The following ULK4 variants were observed in gnomAD, a reference collection of about 807,000 sequenced individuals.
The protein encoded by ULK4 is unc-51 like kinase 4.
In ULK4, 133 loss-of-function variants were observed where a neutral mutation model predicts 160.6. The observed-to-expected ratio is 0.83, with a 90% CI of 0.72 to 0.96. ULK4 has a LOEUF of 0.96. Ranked by LOEUF, ULK4 falls within the 40% of genes least tolerant of loss-of-function variation. ULK4 has a pLI of 0.00. For synonymous variants in ULK4, 534 were observed against 539.8 expected (o/e 0.99, Z 0.15); for missense variants, 1,580 against 1,499.5 (o/e 1.05, Z -0.89).
chr3:41,602,580 C>T (rs993310751), intron 31 of ULK4, among the ~76,000 whole-genome samples: 6 of 152,096 alleles, frequency 3.9e-5, no homozygotes, highest in Non-Finnish European at 5.9e-5. Flanking sequence ...CACTGTACTA[C>T]CTCTGCAACC....
intron 17 of ULK4, among the ~76,000 whole-genome samples, chr3:41,852,013 G>A (rs145238921): frequency 0.18 from 27,740 of 151,852 alleles, 2,612 homozygotes; most frequent in Middle Eastern, 0.32. Flanking sequence ...AAGACTAATA[G>A]AGAAGAATCA....
intron 18 of ULK4, among the ~76,000 whole-genome samples, chr3:41,823,350 C>A (rs2041214752): frequency 6.6e-6 from 1 of 152,140 alleles, no homozygotes; most frequent in African/African-American, 2.4e-5. Flanking sequence ...TTAGGTCAGA[C>A]AGGTTCTGAA....
At position 41,375,417 on chromosome 3, in the gene ULK4, G is replaced by A. The variant is rs988969791; in HGVS notation, c.3678+22662C>T. 3.3e-5 allele frequency among the ~76,000 whole-genome samples: 5 copies of A among 150,014 alleles called. 1 individual carries two copies. Among genetic ancestry groups the A allele is most frequent in the African/African-American group, 7.5e-5 (3 of 40,116 alleles). ...ACAGAACCCAAAACGGCATGGTACT[G>A]GTACCATAACAGAGATATAGACCAA... On this transcript the variant is annotated intron_variant, in intron 35 of 36. Coordinates refer to ENST00000301831, the MANE Select transcript of ULK4 (RefSeq NM_017886.4).
intron 32 of ULK4, among the ~76,000 whole-genome samples, chr3:41,483,175 C>G (rs1214572479): frequency 6.6e-6 from 1 of 152,110 alleles, no homozygotes; most frequent in African/African-American, 2.4e-5. Flanking sequence ...ACTACCCTTC[C>G]CAGTCTCTGG....
rs1261935395 is a variant in ULK4, at chr3:41,901,529, G to A, written c.1183-700C>T. On this transcript the variant is annotated intron_variant, in intron 12 of 36. Transcript: ENST00000301831. ...AGAGTCTCACTCCATCACACAGGCT[G>A]GAATGCAGTGGCACAATCTCAGCTC... 1.8e-4 allele frequency among the ~76,000 whole-genome samples: 21 copies of A among 117,676 alleles called. 1 individual carries two copies. In the Admixed American group the frequency reaches 2.4e-3, roughly 13 times the overall value. 77.2% of individuals were successfully genotyped at this position (117,676 alleles called of 152,430 possible).
intron 22 of ULK4, among the ~76,000 whole-genome samples, chr3:41,718,081 T>C (rs536273522): frequency 2.0e-5 from 3 of 152,332 alleles, no homozygotes; most frequent in Non-Finnish European, 4.4e-5. Context: ...GCTAATATCC[T>C]GATTCCATTT....
chr3:41,457,712 G>A (rs747578623), intron 33 of ULK4, among the ~76,000 whole-genome samples: 3 of 152,122 alleles, frequency 2.0e-5, no homozygotes, highest in Non-Finnish European at 4.4e-5. Flanking sequence ...CACCCTTTGT[G>A]TGCATCTTGT....
chr3:41,882,393 T>C (rs763217366), intron 17 of ULK4: 4 of 652,024 alleles, frequency 6.1e-6, no homozygotes, highest in Non-Finnish European at 1.1e-5. Flanking sequence ...TAGTATTCTT[T>C]TCTATAAGTT....
chr3:41,477,024 A>G (rs1032758196), intron 32 of ULK4, among the ~76,000 whole-genome samples: 11 of 152,206 alleles, frequency 7.2e-5, no homozygotes, highest in African/African-American at 2.7e-4. Context: ...CATCTGGGAT[A>G]GTGTGCTAGT....
chr3:41,616,767 G>A (rs1332890129), intron 30 of ULK4, among the ~76,000 whole-genome samples: 1 of 152,122 alleles, frequency 6.6e-6, no homozygotes, highest in African/African-American at 2.4e-5. Flanking sequence ...GCAGCACCTG[G>A]AACCCCATCT....
chr3:41,668,514 C>T (rs906988275), intron 29 of ULK4, among the ~76,000 whole-genome samples: 3 of 152,140 alleles, frequency 2.0e-5, no homozygotes, highest in Admixed American at 6.5e-5. Flanking sequence ...CTGGGAGCAA[C>T]AGGCTATACC....
At chr3:41,530,254 C>G (rs1303630148) in intron 32 of ULK4, among the ~76,000 whole-genome samples, 2 of 151,752 alleles carry the variant, frequency 1.3e-5, no homozygotes, top group Admixed American at 6.6e-5. Context: ...AACTATGAAC[C>G]CTTAAAATCA....
At chr3:41,306,637 T>C (rs1431977546) in intron 35 of ULK4, among the ~76,000 whole-genome samples, 1 of 151,868 alleles carries the variant, frequency 6.6e-6, no homozygotes, top group Non-Finnish European at 1.5e-5. Flanking sequence ...CCACCCCGTC[T>C]GGGAGGTGTG....
chr3:41,494,096 T>C (rs2084898696), intron 32 of ULK4, among the ~76,000 whole-genome samples: 1 of 120,552 alleles, frequency 8.3e-6, no homozygotes, highest in Admixed American at 8.9e-5. Context: ...AGCATCATCC[T>C]GATACCAAAG....
intron 32 of ULK4, among the ~76,000 whole-genome samples, chr3:41,552,733 G>GA (rs34052124): frequency 2.0e-4 from 30 of 150,054 alleles, no homozygotes; most frequent in Middle Eastern, 3.5e-3. Flanking sequence ...TACAGAAATA[G>GA]AAAAAAAAAA....
chr3:41,396,583 A>C (rs746258167), intron 35 of ULK4, among the ~76,000 whole-genome samples: 1 of 152,150 alleles, frequency 6.6e-6, no homozygotes, highest in Non-Finnish European at 1.5e-5. Context: ...AGAGCTTGAG[A>C]GGCCTGCTCT....
chr3:41,687,782 T>A lies in ULK4; in HGVS notation c.2782-5978A>T, dbSNP rs575260479. The A allele has an allele frequency of 4.0e-4, 61 of 152,304 alleles. 1 individual carries two copies. Among genetic ancestry groups the A allele is most frequent in the African/African-American group, 1.3e-3 (56 of 41,562 alleles). 9.4% of individuals were successfully genotyped at this position (152,304 alleles called of 1,614,324 possible). On this transcript the variant is annotated intron_variant, in intron 27 of 36. Coordinates refer to ENST00000301831, the MANE Select transcript of ULK4 (RefSeq NM_017886.4). ...AATAAGAACTCCTGATCAGGGTGTT[T>A]CAAATGCTAACCAAACACCCCTGAA...
At chr3:41,604,808 G>A (rs534129598) in intron 31 of ULK4, among the ~76,000 whole-genome samples, 36 of 152,146 alleles carry the variant, frequency 2.4e-4, no homozygotes, top group South Asian at 1.0e-3. Flanking sequence ...CCTTCTACCC[G>A]TGGACTTTCT....
chr3:41,856,587 A>G (rs1231095899), intron 17 of ULK4, among the ~76,000 whole-genome samples: 4 of 73,614 alleles, frequency 5.4e-5, no homozygotes, highest in Non-Finnish European at 9.7e-5. Context: ...GTATATATAT[A>G]CACATATATA....
Sources: gnomAD v4.1 joint callset for allele counts (sites outside exome capture counted in the v4.1 genomes callset) on GRCh38, gnomAD v4.1.1 for gene constraint, MANE v1.5 for transcripts, NCBI Gene and HGNC (gene_info 2026-07-23, HGNC 2026-07-21) for gene names.